The following INPP5D variants were observed in gnomAD, a reference collection of about 807,000 sequenced individuals.
The protein encoded by INPP5D is phosphatidylinositol 3,4,5-trisphosphate 5-phosphatase 1.
Under a neutral mutation model 122.9 loss-of-function variants are expected in INPP5D, and 33 were observed. The ratio of observed to expected loss-of-function variants is 0.27; its 90% CI spans 0.20 to 0.36. The LOEUF is 0.36. INPP5D is among the 10% of genes least tolerant of loss of function. The probability of loss-of-function intolerance (pLI) is 1.00; values close to 1 mark genes in which losing one functional copy is unlikely to be tolerated. For missense variants in INPP5D, 1,053 were observed against 1,412.7 expected (o/e 0.75, Z 4.08); for synonymous variants, 584 against 576.2 (o/e 1.01, Z -0.19).
At chr2:233,130,912 G>A in intron 5 of INPP5D, 1 of 613,802 alleles carries the variant, frequency 1.6e-6, no homozygotes, top group Non-Finnish European at 3.0e-6. Context: ...CGGATGGGGT[G>A]GGAGGACATG....
chr2:233,125,020 G>A (rs959318583), intron 3 of INPP5D, among the ~76,000 whole-genome samples: 10 of 152,254 alleles, frequency 6.6e-5, no homozygotes, highest in African/African-American at 2.4e-4. Flanking sequence ...GGGGCCCACT[G>A]TGGTTGGGCC....
At position 233,175,210 on chromosome 2, in the gene INPP5D, T is replaced by G. The variant is rs567591437; in HGVS notation, c.1990-2055T>G. On this transcript the variant is annotated intron_variant, in intron 17 of 26. Coordinates refer to ENST00000445964, the MANE Select transcript of INPP5D (RefSeq NM_001017915.3). ...TCCAACCTCAGCAACAGGGCGAGAC[T>G]CCATCTCAAAAAAAAAAAAAAAAAA... 8.7e-5 allele frequency among the ~76,000 whole-genome samples: 6 copies of G among 68,624 alleles called. No homozygotes were observed. The South Asian group carries it at 4.3e-3, about 49-fold the overall frequency. 45.0% of individuals were successfully genotyped at this position (68,624 alleles called of 152,430 possible).
intron 14 of INPP5D, 108 bp downstream of exon 14, chr2:233,169,509 G>A (rs990754446): frequency 2.5e-5 from 37 of 1,493,194 alleles, no homozygotes; most frequent in Non-Finnish European, 3.1e-5. Flanking sequence ...CTTTGACCTT[G>A]TGGATGTCCT....
intron 1 of INPP5D, chr2:233,076,112 G>A (rs552225560): frequency 6.6e-6 from 1 of 152,336 alleles, no homozygotes; most frequent in South Asian, 2.1e-4. Context: ...CTGTCTACAG[G>A]CTGATGTTTG....
chr2:233,134,212 G>T (rs1693408037), intron 5 of INPP5D: 1 of 346,756 alleles, frequency 2.9e-6, no homozygotes, highest in Middle Eastern at 7.5e-4. Context: ...GGCTTGAGGG[G>T]CCATGAGGCA....
chr2:233,122,682 C>T (rs1454362978), intron 3 of INPP5D, among the ~76,000 whole-genome samples: 2 of 152,216 alleles, frequency 1.3e-5, no homozygotes, highest in African/African-American at 4.8e-5. Flanking sequence ...TGGCTCAGGC[C>T]TGTAGTCCTA....
Position 233,204,654 on chromosome 2 carries a change from G to A in INPP5D, c.3504G>A (p.Pro1168=), listed in dbSNP as rs771443410. 43 of 1,582,664 alleles carry A rather than the reference G, an allele frequency of 2.7e-5. No individual in the cohort carries two copies. The highest frequency in any genetic ancestry group is 1.8e-5 in the Admixed American group (1 of 56,842). Reference sequence around the variant, plus strand: ...ACTACCGCGACAACACCGAGCTCCCGCATCACGGCAAGCACCGGCCGGAGG... The same window carrying A: ...ACTACCGCGACAACACCGAGCTCCCACATCACGGCAAGCACCGGCCGGAGG... ...GRDYRDNTEL[P]HHGKHRPEEG... The change falls in exon 26 of 27, where the codon CCG becomes CCA. Residue 1168 remains proline (P), a synonymous_variant. Transcript: ENST00000445964.
chr2:233,126,442 A>T (rs547352626), intron 4 of INPP5D, among the ~76,000 whole-genome samples: 1 of 152,262 alleles, frequency 6.6e-6, no homozygotes, highest in African/African-American at 2.4e-5. Context: ...CCGGGTTGCT[A>T]TGATACTTGG....
At chr2:233,165,823 C>T (rs1417801473) in intron 13 of INPP5D, among the ~76,000 whole-genome samples, 1 of 150,140 alleles carries the variant, frequency 6.7e-6, no homozygotes, top group Non-Finnish European at 1.5e-5. Context: ...AGTGCATGTG[C>T]ATAAGTGCTA....
At chr2:233,127,070 C>T (rs1038209531) in intron 4 of INPP5D, among the ~76,000 whole-genome samples, 6 of 152,192 alleles carry the variant, frequency 3.9e-5, no homozygotes, top group African/African-American at 7.2e-5. Flanking sequence ...TACTAAGGCT[C>T]GTACACCTCC....
intron 2 of INPP5D, among the ~76,000 whole-genome samples, chr2:233,085,857 C>T (rs1691815321): frequency 6.6e-6 from 1 of 152,136 alleles, no homozygotes; most frequent in Non-Finnish European, 1.5e-5. Flanking sequence ...TCTTTATTTT[C>T]TCCCCATCCC....
At chr2:233,129,187 AAT>A (rs1477390952) in intron 4 of INPP5D, among the ~76,000 whole-genome samples, 1 of 152,106 alleles carries the variant, frequency 6.6e-6, no homozygotes, top group East Asian at 1.9e-4. Context: ...TAAATAAATA[AAT>A]AAATGAAGGC....
At chr2:233,079,444 T>C (rs1293616265) in intron 2 of INPP5D, 46 bp downstream of exon 2, 2 of 1,189,156 alleles carry the variant, frequency 1.7e-6, no homozygotes, top group East Asian at 4.7e-5. Flanking sequence ...CTTCAGCCGA[T>C]ACTGGCAGAG....
chr2:233,093,966 T>C (rs1692058415), intron 2 of INPP5D, among the ~76,000 whole-genome samples: 1 of 151,976 alleles, frequency 6.6e-6, no homozygotes, highest in Non-Finnish European at 1.5e-5. Flanking sequence ...TGCTTCTCCC[T>C]GGAGTCTGAG....
At chr2:233,106,114 A>T (rs925056522) in intron 2 of INPP5D, among the ~76,000 whole-genome samples, 3 of 152,176 alleles carry the variant, frequency 2.0e-5, no homozygotes, top group African/African-American at 7.2e-5. Flanking sequence ...CCCGGGGGAA[A>T]GTTTATTTTT....
Position 233,164,301 on chromosome 2 carries a change from C to A in INPP5D, c.1438-6C>A. On this transcript the variant is annotated splice_polypyrimidine_tract_variant and splice_region_variant and intron_variant, in intron 12 of 26. Coordinates refer to ENST00000445964, the MANE Select transcript of INPP5D (RefSeq NM_001017915.3). The surrounding 1 kb of genome is among the most constrained non-coding windows in gnomAD (Gnocchi z 4.3). ...GCCGAGTATTGCAACGTTGTCCTCC[C>A]ACCAGGTCGCCATCCACACGCTCTG... The A allele has an allele frequency of 6.5e-7, 1 of 1,547,538 alleles. No homozygotes were observed. The highest frequency in any genetic ancestry group is 1.2e-5 in the South Asian group (1 of 83,466).
chr2:233,092,165 G>A lies in INPP5D; in HGVS notation c.198+12767G>A, dbSNP rs112227525. Among the ~76,000 whole-genome samples the A allele has an allele frequency of 4.8e-3, 730 of 152,322 alleles. 3 individuals are homozygous for A. The highest frequency in any genetic ancestry group is 0.017 in the African/African-American group (703 of 41,570). On this transcript the variant is annotated intron_variant, in intron 2 of 26. Coordinates refer to ENST00000445964, the MANE Select transcript of INPP5D (RefSeq NM_001017915.3). Reference sequence around the variant, plus strand: ...TGGGTCTGGGATGAGGCAGGCGGGCGGCCGGAGTGACTGGGGGCCCGAGCT... The same window carrying A: ...TGGGTCTGGGATGAGGCAGGCGGGCAGCCGGAGTGACTGGGGGCCCGAGCT...
intron 9 of INPP5D, among the ~76,000 whole-genome samples, chr2:233,148,862 T>G (rs1038504064): frequency 6.6e-6 from 1 of 152,184 alleles, no homozygotes; most frequent in Non-Finnish European, 1.5e-5. Flanking sequence ...CTTTTTTTTA[T>G]TCTTTAGTGT....
intron 13 of INPP5D, among the ~76,000 whole-genome samples, chr2:233,166,469 G>C (rs371645993): frequency 6.6e-6 from 1 of 152,216 alleles, no homozygotes; most frequent in African/African-American, 2.4e-5. Flanking sequence ...GCAGAGGTCA[G>C]GGGCCTCCCT....
Sources: allele counts gnomAD v4.1 joint callset (sites outside exome capture counted in the v4.1 genomes callset), GRCh38; gene constraint gnomAD v4.1.1; non-coding constraint Gnocchi (gnomAD v3.1); transcripts MANE v1.5; gene names NCBI Gene and HGNC (gene_info 2026-07-23, HGNC 2026-07-21).